Variants in ECM2 observed in about 807,000 individuals in gnomAD.
ECM2 encodes extracellular matrix protein 2.
In ECM2, 57 loss-of-function variants were observed where a neutral mutation model predicts 67.5. That is an observed-to-expected ratio of 0.84 (90% CI 0.68 to 1.05). The LOEUF (loss-of-function observed/expected upper bound fraction) is 1.05. Among genes scored for constraint, ECM2 ranks in the 50% least tolerant of loss-of-function variants. The pLI is 0.00. For synonymous variants in ECM2, 258 were observed against 294.5 expected, an observed-to-expected ratio of 0.88 and a Z score of 1.27; for missense variants, 741 against 822.8, an observed-to-expected ratio of 0.90 and a Z score of 1.22.
In ECM2 at chr9:92,495,776, T is replaced by C; in HGVS notation, c.*539A>G. On this transcript the variant is annotated 3_prime_UTR_variant, in exon 10 of 10. Transcript: ENST00000344604. Reference sequence around the variant, plus strand: ...GTTTTAATTTTACACATGTAATTAATGGAAGAAATGAAAGCTACCCCAATA... The same window carrying C: ...GTTTTAATTTTACACATGTAATTAACGGAAGAAATGAAAGCTACCCCAATA... 1 of 947,696 alleles carries C rather than the reference T, an allele frequency of 1.1e-6. No individual in the cohort carries two copies. The highest frequency in any genetic ancestry group is 1.3e-6 in the Non-Finnish European group (1 of 795,660). 58.7% of individuals were successfully genotyped at this position (947,696 alleles called of 1,614,324 possible). A position where few individuals can be genotyped will look rare whatever the true frequency, so the allele number is the denominator to read the frequency against.
At chr9:92,552,947 CT>C in the ECM2 span, among the ~76,000 whole-genome samples, 13 of 151,470 alleles carry the variant, frequency 8.6e-5, no homozygotes, top group Non-Finnish European at 1.3e-4. Context: ...ATTTTTTCCT[CT>C]TTTTTTTCTT....
At chr9:92,538,485 A>T (rs1323502969), upstream of ECM2, among the ~76,000 whole-genome samples, 1 of 152,212 alleles carries the variant, frequency 6.6e-6, no homozygotes, top group Non-Finnish European at 1.5e-5. Flanking sequence ...AGAATAACTT[A>T]AAAAGAATAC....
At chr9:92,546,921 C>T in the ECM2 span, among the ~76,000 whole-genome samples, 7 of 152,130 alleles carry the variant, frequency 4.6e-5, no homozygotes, top group Non-Finnish European at 1.0e-4. Context: ...ATATTCTTCA[C>T]GAGTTCTACC....
chr9:92,516,071 TTC>T (rs1491473158), intron 3 of ECM2, among the ~76,000 whole-genome samples: 2 of 140,330 alleles, frequency 1.4e-5, no homozygotes, highest in Non-Finnish European at 3.2e-5. Context: ...ATACTTTTTT[TTC>T]CCCCCCCCGA....
At chr9:92,523,079 CTT>C (rs80216324) in intron 1 of ECM2, among the ~76,000 whole-genome samples, 186 bp from the exon 2 acceptor site, 2 of 144,456 alleles carry the variant, frequency 1.4e-5, no homozygotes, top group African/African-American at 2.5e-5. Flanking sequence ...AATCAAAAAA[CTT>C]TTTTTTTTTT....
chr9:92,550,804 A>C, the ECM2 span, among the ~76,000 whole-genome samples: 2 of 152,116 alleles, frequency 1.3e-5, no homozygotes, highest in African/African-American at 4.8e-5. Flanking sequence ...CCAGGTTCCA[A>C]TTTAGAATCC....
At chr9:92,553,558 T>A in the ECM2 span, among the ~76,000 whole-genome samples, 1 of 152,220 alleles carries the variant, frequency 6.6e-6, no homozygotes, top group Non-Finnish European at 1.5e-5. Flanking sequence ...TGTTTCCATT[T>A]CTTTGTGTCA....
the ECM2 span, among the ~76,000 whole-genome samples, chr9:92,549,646 CAA>C: frequency 1.1e-5 from 1 of 90,606 alleles, no homozygotes; most frequent in Admixed American, 1.0e-4. Flanking sequence ...GACTCCGTCT[CAA>C]AAAAAAAAAA....
the ECM2 span, among the ~76,000 whole-genome samples, chr9:92,546,673 G>A: frequency 2.6e-5 from 4 of 152,184 alleles, no homozygotes; most frequent in African/African-American, 4.8e-5. Context: ...AACACTCACC[G>A]TGAGGGTCCG....
In ECM2 at chr9:92,500,825, T is replaced by G; in HGVS notation, c.1833A>C (p.Arg611Ser). Residue 611 changes from arginine to serine, a missense_variant, in exon 9 of 10, where the codon AGA (arginine) becomes AGC (serine). Arg to Ser is a moderately radical substitution (Grantham distance 110). Coordinates refer to ENST00000344604, the MANE Select transcript of ECM2 (RefSeq NM_001393.4). ...AGTCATTGTGATCCAGAAATAATTC[T>G]CTCAGAGAATGATATGCCCCATAGA... ...VSFYGAYHSL[R>S]ELFLDHNDLK... The G allele has an allele frequency of 6.2e-7, 1 of 1,614,192 alleles. No homozygotes were observed. The highest frequency in any genetic ancestry group is 1.3e-5 in the African/African-American group (1 of 75,052).
chr9:92,555,003 T>TTTGTTG, the ECM2 span, among the ~76,000 whole-genome samples: 4,537 of 149,804 alleles, frequency 0.03, 65 homozygotes, highest in Non-Finnish European at 0.042. Flanking sequence ...GTCTGTATTG[T>TTTGTTG]TTGTTGTTGT....
intron 5 of ECM2, among the ~76,000 whole-genome samples, chr9:92,510,396 A>G (rs1463723437): frequency 6.6e-6 from 1 of 152,268 alleles, no homozygotes; most frequent in Non-Finnish European, 1.5e-5. Flanking sequence ...GAAATCATGC[A>G]GTAATCTGAA....
At chr9:92,494,562 G>A (rs1012551804), downstream of ECM2, among the ~76,000 whole-genome samples, 3 of 152,092 alleles carry the variant, frequency 2.0e-5, no homozygotes, top group African/African-American at 4.8e-5. Context: ...TGTTGTTCAT[G>A]TTATAATCTC....
downstream of ECM2, chr9:92,495,198 G>T: frequency 2.9e-6 from 1 of 339,008 alleles, no homozygotes; most frequent in Non-Finnish European, 4.2e-6. Flanking sequence ...ATGCAATGAG[G>T]CCAACACTGG....
chr9:92,544,543 GTTTTT>G, the ECM2 span, among the ~76,000 whole-genome samples: 2 of 116,608 alleles, frequency 1.7e-5, no homozygotes, highest in Non-Finnish European at 3.6e-5. Context: ...TTGTTGAGGG[GTTTTT>G]TTTTTTATCA....
chr9:92,515,293 T>G (rs983699836), intron 3 of ECM2, 90 bp from the exon 4 acceptor site: 1 of 1,351,110 alleles, frequency 7.4e-7, no homozygotes, highest in African/African-American at 1.5e-5. Context: ...TAGTAAATAT[T>G]ATTCCCTCCA....
chr9:92,517,867 C>T lies in ECM2; in HGVS notation c.301G>A (p.Gly101Arg), dbSNP rs754400437. The change falls in exon 3 of 10, where the codon GGA becomes AGA. Residue 101 changes from glycine to arginine, a missense_variant. Gly to Arg is a moderately radical substitution (Grantham distance 125). Coordinates refer to ENST00000344604, the MANE Select transcript of ECM2 (RefSeq NM_001393.4). ...SSYNVLPGKK[G>R]HCLVKGITMY... ...GTTATGCCCTTTACCAAACAGTGTCCCTTCTTTCCTAGAAGAAAACAAAAG... is the reference window on the plus strand; with the variant it reads ...GTTATGCCCTTTACCAAACAGTGTCTCTTCTTTCCTAGAAGAAAACAAAAG... 2 of 1,613,798 alleles carry T rather than the reference C, an allele frequency of 1.2e-6. No individual in the cohort carries two copies. Among genetic ancestry groups the T allele is most frequent in the African/African-American group, 2.7e-5 (2 of 75,026 alleles).
At chr9:92,543,211 C>T in the ECM2 span, among the ~76,000 whole-genome samples, 2 of 152,104 alleles carry the variant, frequency 1.3e-5, no homozygotes. Flanking sequence ...GTGGCTCACA[C>T]CTGTAATCCA....
intron 9 of ECM2, among the ~76,000 whole-genome samples, chr9:92,499,013 T>A (rs1483207761): frequency 6.6e-6 from 1 of 152,182 alleles, no homozygotes; most frequent in African/African-American, 2.4e-5. Flanking sequence ...CACTTGGGGC[T>A]TCTCAATACT....
Sources: gnomAD v4.1 joint callset for allele counts (sites outside exome capture counted in the v4.1 genomes callset) on GRCh38, gnomAD v4.1.1 for gene constraint, MANE v1.5 for transcripts, NCBI Gene and HGNC (gene_info 2026-07-23, HGNC 2026-07-21) for gene names.